Variants in ZBTB1 observed in about 807,000 individuals in gnomAD.
ZBTB1 encodes zinc finger and BTB domain containing 1.
A neutral mutation model predicts 51.6 loss-of-function variants in ZBTB1; 13 were observed. The ratio of observed to expected loss-of-function variants is 0.25; its 90% CI spans 0.16 to 0.40. ZBTB1 has a LOEUF of 0.40. ZBTB1 is among the 10% of genes least tolerant of loss of function. The pLI, the probability that ZBTB1 is intolerant of heterozygous loss-of-function variation, is 1.00. For missense variants in ZBTB1, 567 were observed against 856.5 expected, an observed-to-expected ratio of 0.66 and a Z score of 4.22; for synonymous variants, 240 against 282.2, an observed-to-expected ratio of 0.85 and a Z score of 1.50.
rs2140177492 is a variant in ZBTB1 at position 64,523,923 on chromosome 14, C to A, written c.*277C>A. 1.8e-6 allele frequency: 2 copies of A among 1,094,192 alleles called. No individual in the cohort carries two copies. Among genetic ancestry groups the A allele is most frequent in the Non-Finnish European group, 2.2e-6 (2 of 892,600 alleles). 67.8% of individuals were successfully genotyped at this position (1,094,192 alleles called of 1,614,324 possible). On this transcript the variant is annotated 3_prime_UTR_variant, in exon 2 of 2. Transcript: ENST00000683701. The surrounding 1 kb of genome is among the most constrained non-coding windows in gnomAD (Gnocchi z 4.5). ...AGACTACAAGTGGTTGTTACCCATT[C>A]AATGACTATTAAACTTTAGTTTTTC... is the stretch of plus-strand genomic sequence containing the variant.
At chr14:64,506,537 AAAAC>A (rs747017902) in intron 1 of ZBTB1, among the ~76,000 whole-genome samples, 8 of 152,210 alleles carry the variant, frequency 5.3e-5, no homozygotes, top group Non-Finnish European at 1.0e-4. Flanking sequence ...CTGTCTCAAA[AAAAC>A]AAACAACAAC....
At chr14:64,508,187 G>A (rs561274217) in intron 1 of ZBTB1, among the ~76,000 whole-genome samples, 2 of 152,322 alleles carry the variant, frequency 1.3e-5, no homozygotes, top group Admixed American at 1.3e-4. Context: ...GAGTGTTGGG[G>A]ACGTGGGTGG....
chr14:64,524,207 G>A lies in ZBTB1; in HGVS notation c.*561G>A. ...GAATCTAACCTTTAAGGTTGACATG[G>A]GCTCAAACTTGGCCTAAAAAGATTG... On this transcript the variant is annotated 3_prime_UTR_variant, in exon 2 of 2. Transcript: ENST00000683701. 2 of 984,916 alleles carry A rather than the reference G, an allele frequency of 2.0e-6. No individual in the cohort carries two copies. The highest frequency in any genetic ancestry group is 2.4e-6 in the Non-Finnish European group (2 of 829,772). 61.0% of individuals were successfully genotyped at this position (984,916 alleles called of 1,614,324 possible). A position where few individuals can be genotyped will look rare whatever the true frequency, so the allele number is the denominator to read the frequency against.
chr14:64,519,316 C>T (rs866403733), intron 1 of ZBTB1, among the ~76,000 whole-genome samples: 18 of 151,222 alleles, frequency 1.2e-4, no homozygotes, highest in Admixed American at 9.2e-4. Context: ...GACTGGCTAA[C>T]TTTTTTTATT....
chr14:64,521,736 A>G lies in ZBTB1; in HGVS notation c.232A>G (p.Ile78Val). The G allele has an allele frequency of 6.2e-7, 1 of 1,612,064 alleles. No individual in the cohort carries two copies. The highest frequency in any genetic ancestry group is 8.5e-7 in the Non-Finnish European group (1 of 1,178,516). ...MKISAECFDL[I>V]LQFMYLGKIM... Reference sequence around the variant, plus strand: ...AATTAGTGCAGAATGTTTTGATCTCATTTTGCAGTTTATGTATTTAGGAAA... The same window carrying G: ...AATTAGTGCAGAATGTTTTGATCTCGTTTTGCAGTTTATGTATTTAGGAAA... Residue 78 changes from isoleucine to valine, a missense_variant, in exon 2 of 2, where the codon ATT (isoleucine) becomes GTT (valine). By Grantham distance (29) the Ile-to-Val change is conservative. Transcript: ENST00000683701.
chr14:64,519,733 A>G (rs1203515352), intron 1 of ZBTB1, among the ~76,000 whole-genome samples: 1 of 151,382 alleles, frequency 6.6e-6, no homozygotes, highest in Non-Finnish European at 1.5e-5. Flanking sequence ...AGCTATGATC[A>G]TGCCACTGCA....
chr14:64,529,636 T>C (rs2079928466), downstream of ZBTB1, among the ~76,000 whole-genome samples: 2 of 152,070 alleles, frequency 1.3e-5, no homozygotes, highest in African/African-American at 4.8e-5. Flanking sequence ...CCGGGCATGG[T>C]GGTGCATGCC....
intron 1 of ZBTB1, 170 bp downstream of exon 1, chr14:64,505,116 C>T (rs2079624950): frequency 2.9e-6 from 1 of 347,432 alleles, no homozygotes; most frequent in East Asian, 4.4e-5. Flanking sequence ...GCCAGGCCGC[C>T]TGCTTGTTGC....
At chr14:64,506,737 A>G (rs2079663559) in intron 1 of ZBTB1, among the ~76,000 whole-genome samples, 1 of 152,174 alleles carries the variant, frequency 6.6e-6, no homozygotes, top group South Asian at 2.1e-4. Context: ...TCTTTCCTGA[A>G]GCCTTTCTAT....
At chr14:64,506,290 T>C (rs1201531412) in intron 1 of ZBTB1, among the ~76,000 whole-genome samples, 1 of 152,110 alleles carries the variant, frequency 6.6e-6, no homozygotes, top group Non-Finnish European at 1.5e-5. Context: ...CCCAACACTT[T>C]GGGAGGCCGA....
At chr14:64,514,390 C>T (rs959305252) in intron 1 of ZBTB1, 2 of 152,148 alleles carry the variant, frequency 1.3e-5, no homozygotes, top group African/African-American at 4.8e-5. Flanking sequence ...GTCTGTGACA[C>T]AATTTAGAGG....
In ZBTB1 at chr14:64,521,573, C is replaced by G. The variant is rs767983563; in HGVS notation, c.69C>G (p.Leu23=). The G allele has an allele frequency of 6.2e-7, 1 of 1,614,208 alleles. No homozygotes were observed. Among genetic ancestry groups the G allele is most frequent in the Non-Finnish European group, 8.5e-7 (1 of 1,180,024 alleles). The change falls in exon 2 of 2, where the codon CTC becomes CTG. Residue 23 remains leucine (L), a synonymous_variant. Transcript: ENST00000683701. ...QLNNQREWGF[L]CDCCIAIDDI... The stretch of plus-strand genomic sequence containing the variant: ...ACAACCAAAGAGAATGGGGTTTTCT[C>G]TGTGACTGCTGTATTGCAATTGATG...
downstream of ZBTB1, among the ~76,000 whole-genome samples, chr14:64,526,421 A>ATCT (rs747576874): frequency 6.6e-6 from 1 of 152,164 alleles, no homozygotes; most frequent in Non-Finnish European, 1.5e-5. Flanking sequence ...AAGCTGCCAG[A>ATCT]TCTTCTGCCT....
intron 1 of ZBTB1, among the ~76,000 whole-genome samples, chr14:64,515,913 C>A (rs1459096575): frequency 6.6e-6 from 1 of 152,176 alleles, no homozygotes; most frequent in Non-Finnish European, 1.5e-5. Context: ...ACTCCTCTAC[C>A]TGTTTTTGGT....
At chr14:64,516,704 T>G (rs1310728540) in intron 1 of ZBTB1, 3 of 152,240 alleles carry the variant, frequency 2.0e-5, no homozygotes, top group African/African-American at 4.8e-5. Context: ...AGAATACTTG[T>G]GCTACTGCTG....
chr14:64,524,008 T>C lies in ZBTB1; in HGVS notation c.*362T>C, dbSNP rs1596702254. On this transcript the variant is annotated 3_prime_UTR_variant, in exon 2 of 2. Coordinates refer to ENST00000683701, the MANE Select transcript of ZBTB1 (RefSeq NM_001123329.2). ...TTTTTTTTTTTTTAAGGTTATCCTG[T>C]GAAATTTTAAACCCAGAATCATTGG... The C allele has an allele frequency of 2.0e-6, 2 of 1,005,570 alleles. No homozygotes were observed. Among genetic ancestry groups the C allele is most frequent in the South Asian group, 9.4e-5 (2 of 21,356 alleles). 62.3% of individuals were successfully genotyped at this position (1,005,570 alleles called of 1,614,324 possible).
chr14:64,504,841 C>A lies in ZBTB1; in HGVS notation c.-124C>A, dbSNP rs2079614878. On this transcript the variant is annotated 5_prime_UTR_variant, in exon 1 of 2. Transcript: ENST00000683701. ...AGCCCGAGCGCCGAGCGCCGCGCGC[C>A]GCCGCCACTGCAGCTCGCGGCCCCT... 5.1e-6 allele frequency: 2 copies of A among 395,260 alleles called. No individual in the cohort carries two copies. Among genetic ancestry groups the A allele is most frequent in the Non-Finnish European group, 8.9e-6 (2 of 224,178 alleles). The allele number at this position is 395,260 out of a possible 1,614,324, so 24.5% of individuals were successfully genotyped here. A position where few individuals can be genotyped will look rare whatever the true frequency, so the allele number is the denominator to read the frequency against.
intron 1 of ZBTB1, among the ~76,000 whole-genome samples, chr14:64,517,781 A>ATTTTTTTTTTTTT (rs10590459): frequency 4.8e-5 from 2 of 41,548 alleles, no homozygotes; most frequent in Non-Finnish European, 9.2e-5. Flanking sequence ...ATATATATAT[A>ATTTTTTTTTTTTT]TTTTTTTTTT....
At chr14:64,510,128 G>A (rs538146106) in intron 1 of ZBTB1, among the ~76,000 whole-genome samples, 8 of 152,182 alleles carry the variant, frequency 5.3e-5, no homozygotes, top group South Asian at 2.1e-4. Flanking sequence ...CAAAGTCCTC[G>A]CCTTAAAGTT....
Sources: gnomAD v4.1 joint callset for allele counts (sites outside exome capture counted in the v4.1 genomes callset) on GRCh38, gnomAD v4.1.1 for gene constraint, Gnocchi (gnomAD v3.1) non-coding constraint, MANE v1.5 for transcripts, NCBI Gene and HGNC (gene_info 2026-07-23, HGNC 2026-07-21) for gene names.